Variants in RUNX1T1 observed in about 807,000 individuals in gnomAD.
The protein encoded by RUNX1T1 is RUNX1 partner transcriptional co-repressor 1, also known as protein CBFA2T1.
In RUNX1T1, 4 loss-of-function variants were observed where a neutral mutation model predicts 62.8. The ratio of observed to expected loss-of-function variants is 0.06; its 90% CI spans 0.03 to 0.15. RUNX1T1 has a LOEUF of 0.15. Among genes scored for constraint, RUNX1T1 ranks in the 10% least tolerant of loss-of-function variants. RUNX1T1 has a pLI of 1.00. For synonymous variants in RUNX1T1, 291 were observed against 286.0 expected (o/e 1.02, Z -0.18); for missense variants, 508 against 754.3 (o/e 0.67, Z 3.82).
intron 5 of RUNX1T1, among the ~76,000 whole-genome samples, chr8:92,000,568 A>G (rs763347892): frequency 6.6e-6 from 1 of 152,136 alleles, no homozygotes; most frequent in Non-Finnish European, 1.5e-5. Flanking sequence ...TTTTTCTTTT[A>G]GAAAGATAAA....
upstream of RUNX1T1, chr8:92,099,702 G>C (rs1429657926): frequency 7.3e-6 from 7 of 956,042 alleles, no homozygotes; most frequent in East Asian, 3.4e-4. Context: ...CCTCAGTGAA[G>C]AAGGCTTTGC....
exon 11 of RUNX1T1, chr8:91,959,198 A>T: frequency 4.6e-6 from 1 of 217,696 alleles, no homozygotes; most frequent in Non-Finnish European, 9.3e-6. Context: ...AAATCCAAAC[A>T]GGGTGGGGTT....
chr8:92,027,302 C>A (rs1397677777), intron 1 of RUNX1T1, among the ~76,000 whole-genome samples: 1 of 152,076 alleles, frequency 6.6e-6, no homozygotes, highest in Non-Finnish European at 1.5e-5. Flanking sequence ...TTAGAAAGCT[C>A]AGTTATAAAA....
intron 6 of RUNX1T1, among the ~76,000 whole-genome samples, chr8:91,989,399 TTA>T (rs1817208442): frequency 6.6e-6 from 1 of 152,330 alleles, no homozygotes; most frequent in Non-Finnish European, 1.5e-5. Context: ...CTGCACATAT[TTA>T]TAGAGATTAG....
chr8:91,988,039 G>A (rs993315986), intron 6 of RUNX1T1, among the ~76,000 whole-genome samples: 1 of 152,096 alleles, frequency 6.6e-6, no homozygotes, highest in Non-Finnish European at 1.5e-5. Flanking sequence ...AGATAACTGA[G>A]CTATCTCTCT....
chr8:91,959,412 T>TGTGTGTGTGTGTG (rs1554588350), exon 11 of RUNX1T1: 3 of 135,862 alleles, frequency 2.2e-5, no homozygotes, highest in Non-Finnish European at 4.0e-5. Context: ...AGTCTCTTAC[T>TGTGTGTGTGTGTG]TGTGTGTGTG....
intron 1 of RUNX1T1, among the ~76,000 whole-genome samples, chr8:92,052,946 G>T (rs1270632569): frequency 1.3e-5 from 2 of 152,114 alleles, no homozygotes; most frequent in Non-Finnish European, 2.9e-5. Context: ...GACCTTCCAA[G>T]AATTTTTATA....
chr8:92,087,072 G>A (rs1404342160), intron 1 of RUNX1T1, among the ~76,000 whole-genome samples: 5 of 152,134 alleles, frequency 3.3e-5, no homozygotes, highest in South Asian at 2.1e-4. Flanking sequence ...TTCAAAAGAC[G>A]CCCAGCTAGA....
chr8:92,024,643 T>C (rs1006297815), intron 1 of RUNX1T1, among the ~76,000 whole-genome samples: 1 of 151,688 alleles, frequency 6.6e-6, no homozygotes, highest in Non-Finnish European at 1.5e-5. Flanking sequence ...CTCTGTAGCA[T>C]CTGACACTTC....
chr8:91,999,885 G>A (rs951541903), intron 5 of RUNX1T1, among the ~76,000 whole-genome samples: 4 of 152,212 alleles, frequency 2.6e-5, no homozygotes, highest in East Asian at 1.9e-4. Flanking sequence ...AGACTAAGGC[G>A]TGAGGAGTAT....
At chr8:92,051,944 C>T (rs1013890637) in intron 1 of RUNX1T1, among the ~76,000 whole-genome samples, 1 of 151,834 alleles carries the variant, frequency 6.6e-6, no homozygotes, top group Non-Finnish European at 1.5e-5. Context: ...CATTTCTTAG[C>T]ATTCAGTCAC....
intron 1 of RUNX1T1, chr8:92,095,361 G>C: frequency 1.3e-6 from 2 of 1,535,246 alleles, no homozygotes; most frequent in Non-Finnish European, 1.7e-6. Flanking sequence ...TGGCAAAGGA[G>C]CGCGGGAGAG....
chr8:92,010,786 T>C (rs965203353), intron 4 of RUNX1T1: 1 of 432,232 alleles, frequency 2.3e-6, no homozygotes. Context: ...ACTTCTAAAC[T>C]CTTCTTCAAA....
At chr8:91,961,966 C>T (rs1810550661) in intron 10 of RUNX1T1, among the ~76,000 whole-genome samples, 1 of 152,204 alleles carries the variant, frequency 6.6e-6, no homozygotes, top group African/African-American at 2.4e-5. Flanking sequence ...TGCTTTGCTT[C>T]CAGCATGCTG....
chr8:92,038,562 A>C (rs2131374883), intron 1 of RUNX1T1, among the ~76,000 whole-genome samples: 1 of 152,254 alleles, frequency 6.6e-6, no homozygotes, highest in African/African-American at 2.4e-5. Context: ...AAGGCTTTCG[A>C]GATTAAATGA....
At chr8:92,100,938 C>A (rs1782714623), upstream of RUNX1T1, among the ~76,000 whole-genome samples, 1 of 152,160 alleles carries the variant, frequency 6.6e-6, no homozygotes, top group Admixed American at 6.5e-5. Flanking sequence ...CTGGGCACAA[C>A]AGAATACTCA....
chr8:91,971,078 G>A (rs1812734362), intron 9 of RUNX1T1: 1 of 398,788 alleles, frequency 2.5e-6, no homozygotes, highest in Non-Finnish European at 4.4e-6. Context: ...TATAGAAGAA[G>A]CATGACTCTC....
chr8:92,018,152 CAAT>C (rs1587035851), intron 1 of RUNX1T1, among the ~76,000 whole-genome samples: 1 of 152,090 alleles, frequency 6.6e-6, no homozygotes, highest in Non-Finnish European at 1.5e-5. Context: ...CCTGATTACC[CAAT>C]AATGGACATT....
intron 10 of RUNX1T1, among the ~76,000 whole-genome samples, chr8:91,967,337 A>C (rs1811854964): frequency 6.6e-6 from 1 of 152,076 alleles, no homozygotes; most frequent in Non-Finnish European, 1.5e-5. Flanking sequence ...TTCTTACTCC[A>C]AAAGGCATCC....
Sources: gnomAD v4.1 joint callset for allele counts (sites outside exome capture counted in the v4.1 genomes callset) on GRCh38, gnomAD v4.1.1 for gene constraint, MANE v1.5 for transcripts, NCBI Gene and HGNC (gene_info 2026-07-23, HGNC 2026-07-21) for gene names.